The following MYOF variants were observed in gnomAD, a reference collection of about 807,000 sequenced individuals.
MYOF encodes the protein myoferlin, also known as fer-1-like 3, myoferlin.
Under a neutral mutation model 284.2 loss-of-function variants are expected in MYOF, and 244 were observed. That is an observed-to-expected ratio of 0.86 (90% CI 0.77 to 0.95). The LOEUF is 0.95. Among genes scored for constraint, MYOF ranks in the 40% least tolerant of loss-of-function variants. The pLI, the probability that MYOF is intolerant of heterozygous loss-of-function variation, is 0.00. For synonymous variants in MYOF, 904 were observed against 919.7 expected (o/e 0.98, Z 0.31); for missense variants, 2,496 against 2,560.6 (o/e 0.97, Z 0.54).
chr10:93,356,969 G>T, intron 29 of MYOF, 121 bp from the exon 30 acceptor site: 1 of 1,033,130 alleles, frequency 9.7e-7, no homozygotes, highest in Non-Finnish European at 1.4e-6. Flanking sequence ...TCTGTGCCAA[G>T]TACTGAGCTA....
At chr10:93,383,336 C>T (rs1464746333) in intron 19 of MYOF, among the ~76,000 whole-genome samples, 4 of 152,184 alleles carry the variant, frequency 2.6e-5, no homozygotes, top group African/African-American at 9.6e-5. Flanking sequence ...TATAATAGAA[C>T]CCTCCAATAG....
chr10:93,335,958 T>C lies in MYOF; in HGVS notation c.4526A>G (p.Asp1509Gly), dbSNP rs1375047974. The C allele has an allele frequency of 9.9e-6, 16 of 1,614,100 alleles. No individual in the cohort carries two copies. Among genetic ancestry groups the C allele is most frequent in the Admixed American group, 6.7e-5 (4 of 60,004 alleles). Reference sequence around the variant, plus strand: ...AACCACAGAAGGATCTTCATTTTCATCCGACTTGCCTCGGTACAACTTGAA... The same window carrying C: ...AACCACAGAAGGATCTTCATTTTCACCCGACTTGCCTCGGTACAACTTGAA... ...DTFKLYRGKS[D>G]ENEDPSVVGE... The change falls in exon 41 of 54, where the codon GAT (aspartate) becomes GGT (glycine). Residue 1509 changes from aspartate to glycine, a missense_variant. Physicochemically the swap from Asp to Gly is moderately conservative, Grantham distance 94. Coordinates refer to ENST00000359263, the MANE Select transcript of MYOF (RefSeq NM_013451.4).
chr10:93,453,657 A>G (rs1173776667), intron 2 of MYOF, among the ~76,000 whole-genome samples: 2 of 152,176 alleles, frequency 1.3e-5, no homozygotes. Flanking sequence ...CTGTAACTCC[A>G]GCACTTTGGG....
chr10:93,352,492 C>A (rs907444564), intron 32 of MYOF, among the ~76,000 whole-genome samples: 1 of 152,174 alleles, frequency 6.6e-6, no homozygotes, highest in African/African-American at 2.4e-5. Flanking sequence ...TCTGTGACAG[C>A]AGAAAACTTT....
intron 17 of MYOF, among the ~76,000 whole-genome samples, chr10:93,391,324 C>CT (rs963347784): frequency 3.3e-5 from 5 of 152,200 alleles, no homozygotes; most frequent in Non-Finnish European, 5.9e-5. Flanking sequence ...GGCATGGTGG[C>CT]TCACGCCTGT....
chr10:93,384,668 A>C (rs941964589), intron 19 of MYOF, among the ~76,000 whole-genome samples: 2 of 149,676 alleles, frequency 1.3e-5, no homozygotes, highest in Non-Finnish European at 3.0e-5. Context: ...AAAAAGAAGA[A>C]TGTAAGTTGT....
chr10:93,399,383 T>A lies in MYOF; in HGVS notation c.1221+9A>T. The A allele has an allele frequency of 1.3e-6, 2 of 1,590,370 alleles. No homozygotes were observed. Among genetic ancestry groups the A allele is most frequent in the Non-Finnish European group, 1.7e-6 (2 of 1,159,810 alleles). On this transcript the variant is annotated intron_variant, in intron 13 of 53. Coordinates refer to ENST00000359263, the MANE Select transcript of MYOF (RefSeq NM_013451.4). ...ACTAGCAGCATCTGCATTTAGATCA[T>A]GTACAAACCTTTTTTCCAGCAAAGG...
chr10:93,308,258 T>TAAA (rs1564605030), intron 53 of MYOF, among the ~76,000 whole-genome samples: 1 of 140,790 alleles, frequency 7.1e-6, no homozygotes, highest in African/African-American at 2.6e-5. Context: ...AAATAAAAAA[T>TAAA]AAAAAAAATA....
intron 26 of MYOF, 77 bp downstream of exon 26, chr10:93,366,315 G>C (rs1044719233): frequency 1.6e-5 from 23 of 1,435,314 alleles, no homozygotes; most frequent in Non-Finnish European, 2.1e-5. Context: ...AGATGATGAC[G>C]GAGATATAAT....
At chr10:93,383,713 A>G (rs939557725) in intron 19 of MYOF, among the ~76,000 whole-genome samples, 5 of 152,228 alleles carry the variant, frequency 3.3e-5, no homozygotes, top group Non-Finnish European at 7.3e-5. Context: ...GATAGGAGAA[A>G]AGGGAAAGAG....
At chr10:93,445,019 T>TA (rs1237593301) in intron 3 of MYOF, among the ~76,000 whole-genome samples, 4 of 152,340 alleles carry the variant, frequency 2.6e-5, no homozygotes, top group Admixed American at 2.6e-4. Context: ...CTCAACAGTA[T>TA]AAAAATGCTT....
intron 23 of MYOF, among the ~76,000 whole-genome samples, chr10:93,373,676 C>A (rs1189709201): frequency 6.6e-6 from 1 of 152,104 alleles, no homozygotes; most frequent in Non-Finnish European, 1.5e-5. Context: ...TACCTATAAT[C>A]CTGTGTGCTT....
At chr10:93,378,748 A>G (rs979974391) in intron 21 of MYOF, among the ~76,000 whole-genome samples, 4 of 126,080 alleles carry the variant, frequency 3.2e-5, no homozygotes, top group Middle Eastern at 4.1e-3. Context: ...CAGAGTCTCA[A>G]TTTGTCCAGG....
chr10:93,342,190 A>G (rs537602131), intron 38 of MYOF, among the ~76,000 whole-genome samples: 2 of 152,288 alleles, frequency 1.3e-5, no homozygotes, highest in South Asian at 2.1e-4. Flanking sequence ...CAGCAACAGC[A>G]TAGTTATTTT....
At chr10:93,450,070 C>T (rs1242396788) in intron 3 of MYOF, among the ~76,000 whole-genome samples, 6 of 151,970 alleles carry the variant, frequency 3.9e-5, no homozygotes, top group Admixed American at 2.0e-4. Context: ...CCAGCCTGGC[C>T]AACATGGTGA....
At chr10:93,473,062 C>T (rs954213124) in intron 1 of MYOF, among the ~76,000 whole-genome samples, 11 of 152,260 alleles carry the variant, frequency 7.2e-5, no homozygotes, top group Non-Finnish European at 8.8e-5. Flanking sequence ...TGCCCAAAGA[C>T]ACCCAGCTCC....
Position 93,356,695 on chromosome 10 carries a change from AG to A in MYOF, c.3273del (p.Phe1092LeufsTer63). 1 of 1,613,304 alleles carries A rather than the reference AG, an allele frequency of 6.2e-7. No homozygotes were observed. The highest frequency in any genetic ancestry group is 8.5e-7 in the Non-Finnish European group (1 of 1,179,784). On this transcript the variant is annotated frameshift_variant, in exon 30 of 54. Transcript: ENST00000359263. LOFTEE classifies it high-confidence loss of function. ...CTTACAAGGGCACCTTCAAGTTTAAAGATGGCAGCTGCACCATGTGTTTCTG... is the reference window on the plus strand; with the variant it reads ...CTTACAAGGGCACCTTCAAGTTTAAAATGGCAGCTGCACCATGTGTTTCTG... ...APSETHGAAA[I>X]FKLEGALGAD... is the part of the protein sequence containing the mutation.
chr10:93,461,170 C>T (rs992859315), intron 1 of MYOF, among the ~76,000 whole-genome samples: 4 of 152,224 alleles, frequency 2.6e-5, no homozygotes, highest in African/African-American at 7.2e-5. Flanking sequence ...GAAGTTTCTT[C>T]CTGCCTGTCA....
intron 43 of MYOF, among the ~76,000 whole-genome samples, chr10:93,332,100 G>A (rs968306693): frequency 6.6e-6 from 1 of 152,158 alleles, no homozygotes; most frequent in African/African-American, 2.4e-5. Context: ...TTCTGCACCT[G>A]TACAGTCGGG....
Sources: gnomAD v4.1 joint callset for allele counts (sites outside exome capture counted in the v4.1 genomes callset) on GRCh38, gnomAD v4.1.1 for gene constraint, MANE v1.5 for transcripts, NCBI Gene and HGNC (gene_info 2026-07-23, HGNC 2026-07-21) for gene names.